Variants in KLHL2 observed in about 807,000 individuals in gnomAD.
KLHL2 encodes kelch like family member 2.
In KLHL2, 15 loss-of-function variants were observed where a neutral mutation model predicts 75.8. That is an observed-to-expected ratio of 0.20 (90% confidence interval 0.13 to 0.30). The LOEUF (loss-of-function observed/expected upper bound fraction) is 0.30. KLHL2 is among the 10% of genes least tolerant of loss of function. KLHL2 has a pLI of 1.00. For missense variants in KLHL2, 381 were observed against 741.0 expected, an observed-to-expected ratio of 0.51 and a Z score of 5.64; for synonymous variants, 214 against 251.9, an observed-to-expected ratio of 0.85 and a Z score of 1.42.
chr4:165,217,365 G>C (rs34962116), intron 1 of KLHL2, among the ~76,000 whole-genome samples: 11,460 of 152,100 alleles, frequency 0.075, 919 homozygotes, highest in African/African-American at 0.2. Flanking sequence ...TGTTTCTCCA[G>C]TTCTCTCCCT....
intron 5 of KLHL2, among the ~76,000 whole-genome samples, chr4:165,274,071 CTT>C (rs1299617235): frequency 2.6e-5 from 4 of 151,528 alleles, no homozygotes; most frequent in African/African-American, 9.7e-5. Context: ...TTTTCTTTTT[CTT>C]TTTCTTTTTC....
chr4:165,279,316 A>G (rs769759806), intron 5 of KLHL2: 13 of 1,557,306 alleles, frequency 8.3e-6, no homozygotes, highest in South Asian at 7.8e-5. Context: ...ACACCACAGC[A>G]TTGTAGAGAG....
intron 13 of KLHL2, among the ~76,000 whole-genome samples, chr4:165,314,781 T>C (rs1199026868): frequency 1.3e-5 from 2 of 152,024 alleles, no homozygotes; most frequent in African/African-American, 4.8e-5. Context: ...GAAAGGGAAA[T>C]ACAAATGGAA....
intron 2 of KLHL2, among the ~76,000 whole-genome samples, chr4:165,224,771 A>G (rs185704491): frequency 2.3e-4 from 35 of 152,324 alleles, no homozygotes; most frequent in African/African-American, 7.7e-4. Context: ...ATTTTGATAC[A>G]GGTTTATAAT....
chr4:165,299,690 A>G lies in KLHL2; in HGVS notation c.921+34A>G, dbSNP rs772670848. On this transcript the variant is annotated intron_variant, in intron 8 of 14. Transcript: ENST00000226725. ...TGTTTCTCATGCTTGTTATTACCTC[A>G]TGCAAAAGGCTTATAAGTGAAGCTG... The G allele has an allele frequency of 8.4e-5, 130 of 1,546,002 alleles. 2 individuals carry two copies. In the South Asian group the frequency reaches 1.2e-3, roughly 15 times the overall value.
chr4:165,268,927 C>T (rs1742462285), intron 5 of KLHL2, among the ~76,000 whole-genome samples: 3 of 152,098 alleles, frequency 2.0e-5, no homozygotes. Flanking sequence ...GTTAAAGTCT[C>T]CCATTATTAT....
intron 5 of KLHL2, among the ~76,000 whole-genome samples, chr4:165,264,704 G>GTGTGTATATATA (rs1323043527): frequency 6.0e-5 from 5 of 82,852 alleles, no homozygotes; most frequent in Non-Finnish European, 1.1e-4. Context: ...GTGTGTGTGT[G>GTGTGTATATATA]TATATATATA....
In KLHL2 at chr4:165,297,697, C is replaced by T; in HGVS notation, c.743C>T (p.Pro248Leu). 6.2e-7 allele frequency: 1 copy of T among 1,612,750 alleles called. No individual in the cohort carries two copies. Among genetic ancestry groups the T allele is most frequent in the East Asian group, 2.2e-5 (1 of 44,872 alleles). ...MARLMEHVRL[P>L]LLPREYLVQR... ...CGACTGATGGAACATGTACGGTTAC[C>T]TTTGCTTCCTCGGGAATATTTAGTT... Residue 248 changes from proline to leucine, a missense_variant, in exon 7 of 15, where the codon CCT becomes CTT. By Grantham distance (98) the Pro-to-Leu change is moderately conservative. Transcript: ENST00000226725.
intron 6 of KLHL2, among the ~76,000 whole-genome samples, chr4:165,295,905 C>A (rs1054883915): frequency 1.3e-5 from 2 of 152,090 alleles, no homozygotes; most frequent in African/African-American, 4.8e-5. Flanking sequence ...TAGTGATGAG[C>A]CTTAAAAGGG....
intron 5 of KLHL2, among the ~76,000 whole-genome samples, chr4:165,267,773 C>CT (rs893583260): frequency 1.7e-4 from 26 of 152,184 alleles, no homozygotes; most frequent in African/African-American, 6.0e-4. Flanking sequence ...CTAAAATTCT[C>CT]TTTTTTTGTT....
At chr4:165,301,441 A>G (rs2126524862) in intron 8 of KLHL2, among the ~76,000 whole-genome samples, 1 of 152,342 alleles carries the variant, frequency 6.6e-6, no homozygotes, top group African/African-American at 2.4e-5. Context: ...TTTTTCAGAA[A>G]TAATTGTAAG....
chr4:165,220,926 A>G (rs1344298999), intron 2 of KLHL2, among the ~76,000 whole-genome samples: 6 of 152,022 alleles, frequency 3.9e-5, no homozygotes, highest in Admixed American at 1.3e-4. Context: ...TCTTGGTTTT[A>G]TTTTCTTAGC....
rs1004050872 is a variant in KLHL2, at chr4:165,322,183, C to T, written c.*123C>T. On this transcript the variant is annotated 3_prime_UTR_variant, in exon 15 of 15. Coordinates refer to ENST00000226725, the MANE Select transcript of KLHL2 (RefSeq NM_007246.4). ...GCACTTTAAGTCTCAGCAGAAGATA[C>T]GATCGTCTGCCTTTATAGGCCTCAG... 21 of 926,664 alleles carry T rather than the reference C, an allele frequency of 2.3e-5. No individual in the cohort carries two copies. The highest frequency in any genetic ancestry group is 3.7e-5 in the Admixed American group (2 of 53,694). 57.4% of individuals were successfully genotyped at this position (926,664 alleles called of 1,614,324 possible). A position where few individuals can be genotyped will look rare whatever the true frequency, so the allele number is the denominator to read the frequency against.
At position 165,319,063 on chromosome 4, in the gene KLHL2, A is replaced by G. The variant is rs1370394052; in HGVS notation, c.1753+1094A>G. Among the ~76,000 whole-genome samples, 7 of 152,202 alleles carry G rather than the reference A, an allele frequency of 4.6e-5. No homozygotes were observed. Among genetic ancestry groups the G allele is most frequent in the Non-Finnish European group, 1.0e-4 (7 of 68,038 alleles). ...AGAGAAATGTGAACAAACCACAAAG[A>G]TACAATATTAAATCATAACTGCATG... On this transcript the variant is annotated intron_variant, in intron 14 of 14. Coordinates refer to ENST00000226725, the MANE Select transcript of KLHL2 (RefSeq NM_007246.4). The surrounding 1 kb of genome is among the most constrained non-coding windows in gnomAD (Gnocchi z 4.5).
At chr4:165,281,560 C>A (rs1743688938) in intron 5 of KLHL2, among the ~76,000 whole-genome samples, 1 of 152,190 alleles carries the variant, frequency 6.6e-6, no homozygotes, top group South Asian at 2.1e-4. Flanking sequence ...CGTGATCCAC[C>A]CGCCTCAGCC....
intron 5 of KLHL2, among the ~76,000 whole-genome samples, chr4:165,274,467 GGCGTGGTTGCAGGAGC>G (rs1417638735): frequency 1.3e-5 from 2 of 152,218 alleles, no homozygotes; most frequent in Non-Finnish European, 2.9e-5. Context: ...CAATTAGCCA[GGCGTGGTTGCAGGAGC>G]CTGTAGTCCC....
intron 4 of KLHL2, among the ~76,000 whole-genome samples, chr4:165,260,563 T>C (rs1406233091): frequency 4.7e-5 from 7 of 149,986 alleles, no homozygotes; most frequent in South Asian, 2.1e-4. Context: ...TACACACACA[T>C]ATATGTGTGT....
chr4:165,285,972 G>C (rs1370740130), intron 5 of KLHL2, among the ~76,000 whole-genome samples: 2 of 152,144 alleles, frequency 1.3e-5, no homozygotes, highest in African/African-American at 2.4e-5. Flanking sequence ...GCAGTGAAGT[G>C]CAGTATCAAT....
intron 6 of KLHL2, among the ~76,000 whole-genome samples, chr4:165,297,193 T>G (rs1054300941): frequency 6.6e-6 from 1 of 152,204 alleles, no homozygotes; most frequent in African/African-American, 2.4e-5. Context: ...AATAATGCCC[T>G]TATTTTTTAA....
Sources: allele counts gnomAD v4.1 joint callset (sites outside exome capture counted in the v4.1 genomes callset), GRCh38; gene constraint gnomAD v4.1.1; non-coding constraint Gnocchi (gnomAD v3.1); transcripts MANE v1.5; gene names NCBI Gene and HGNC (gene_info 2026-07-23, HGNC 2026-07-21).